PDXDC1: variants seen among roughly 807,000 people sequenced by gnomAD.
The protein encoded by PDXDC1 is pyridoxal-dependent decarboxylase domain-containing protein 1.
In PDXDC1, 42 loss-of-function variants were observed where a neutral mutation model predicts 100.1. That is an observed-to-expected ratio of 0.42 (90% CI 0.33 to 0.54). The LOEUF is 0.54. Ranked by LOEUF, PDXDC1 falls within the 20% of genes least tolerant of loss-of-function variation. The pLI, the probability that PDXDC1 is intolerant of heterozygous loss-of-function variation, is 0.10. For missense variants in PDXDC1, 636 were observed against 979.2 expected (o/e 0.65, Z 4.68); for synonymous variants, 260 against 371.7 (o/e 0.70, Z 3.46).
chr16:15,130,804 G>A (rs1015494453), intron 16 of PDXDC1: 9 of 933,144 alleles, frequency 9.6e-6, no homozygotes, highest in East Asian at 4.9e-5. Flanking sequence ...GGGGCAGAAC[G>A]CGCAGGTCAC....
At position 15,037,217 on chromosome 16, in the gene PDXDC1, C is replaced by G. The variant is rs955284614; in HGVS notation, c.*942C>G. On this transcript the variant is annotated 3_prime_UTR_variant, in exon 23 of 23. Transcript: ENST00000396410. ...AGAGCACTCTCTCACGCTGATCCAG[C>G]CGGGCACCCTGCTTAAGTCAGTAGA... 6.6e-6 allele frequency: 1 copy of G among 152,266 alleles called. No homozygotes were observed. The highest frequency in any genetic ancestry group is 1.5e-5 in the Non-Finnish European group (1 of 68,056). The allele number at this position is 152,266 out of a possible 1,614,324, so 9.4% of individuals were successfully genotyped here.
chr16:15,127,557 G>C (rs1392084235), intron 16 of PDXDC1: 1 of 1,294,226 alleles, frequency 7.7e-7, no homozygotes, highest in African/African-American at 1.5e-5. Flanking sequence ...CAGCGACTGT[G>C]TCGACGCTCA....
rs11541647 is a variant in PDXDC1 at position 15,036,719 on chromosome 16, G to A, written c.*444G>A. 5 of 176,338 alleles carry A rather than the reference G, an allele frequency of 2.8e-5. No homozygotes were observed. The highest frequency in any genetic ancestry group is 6.1e-5 in the Non-Finnish European group (5 of 81,818). 10.9% of individuals were successfully genotyped at this position (176,338 alleles called of 1,614,324 possible). On this transcript the variant is annotated 3_prime_UTR_variant, in exon 23 of 23. Transcript: ENST00000396410. ...ATCCTTTGCTGTCGGTCTTTAGTACGATCAAGTTGCAATATACAGTGGGAC... is the reference window on the plus strand; with the variant it reads ...ATCCTTTGCTGTCGGTCTTTAGTACAATCAAGTTGCAATATACAGTGGGAC...
intron 16 of PDXDC1, chr16:15,071,161 T>C (rs759961349): frequency 4.3e-6 from 7 of 1,610,368 alleles, no homozygotes; most frequent in South Asian, 2.2e-5. Flanking sequence ...AAGCTTCCAA[T>C]ATAATTTCCA....
chr16:15,128,002 C>T, intron 16 of PDXDC1: 8 of 1,593,900 alleles, frequency 5.0e-6, no homozygotes, highest in South Asian at 3.3e-5. Flanking sequence ...TCGCGGCCAG[C>T]ACCTCCTTCT....
Position 15,110,579 on chromosome 16 carries a change from T to C in PDXDC1, c.1400-28300T>C. 2.5e-6 allele frequency: 4 copies of C among 1,585,474 alleles called. No homozygotes were observed. In the Admixed American group the frequency reaches 5.0e-5, roughly 20 times the overall value. ...AATTCCTGGAAAGGAAGAAACTCTT[T>C]TCTTTGTGTGCATACAAATGGACTT... On this transcript the variant is annotated intron_variant, in intron 16 of 16. Transcript: ENST00000535621.
At chr16:15,136,104 C>T (rs935680643) in intron 16 of PDXDC1, 20 of 1,576,384 alleles carry the variant, frequency 1.3e-5, no homozygotes, top group African/African-American at 9.4e-5. Flanking sequence ...GCTGCACAGT[C>T]GAGAAGCCGA....
chr16:15,095,861 G>GTGTGT (rs1555465769), intron 16 of PDXDC1, among the ~76,000 whole-genome samples: 2 of 134,400 alleles, frequency 1.5e-5, no homozygotes, highest in Non-Finnish European at 3.2e-5. Flanking sequence ...AAAAAAAAAA[G>GTGTGT]GTGTGTGTGT....
intron 1 of PDXDC1, among the ~76,000 whole-genome samples, chr16:14,991,919 C>T (rs1210078090): frequency 6.6e-6 from 1 of 152,300 alleles, no homozygotes; most frequent in Non-Finnish European, 1.5e-5. Flanking sequence ...TCCACTCTGG[C>T]ATGCCTTCCT....
intron 16 of PDXDC1, chr16:15,135,938 A>G (rs1461223193): frequency 1.3e-6 from 2 of 1,578,416 alleles, no homozygotes; most frequent in Non-Finnish European, 1.7e-6. Flanking sequence ...GCTCACGTCC[A>G]CGCCGGGCAG....
intron 16 of PDXDC1, among the ~76,000 whole-genome samples, chr16:15,076,987 T>C (rs1352667212): frequency 1.3e-5 from 2 of 151,332 alleles, no homozygotes; most frequent in African/African-American, 2.4e-5. Flanking sequence ...TCACTTTTTT[T>C]TTTTTTTTTG....
At chr16:15,040,930 A>G (rs1470053227), downstream of PDXDC1, 2 of 690,310 alleles carry the variant, frequency 2.9e-6, no homozygotes, top group Non-Finnish European at 5.3e-6. Flanking sequence ...AAGGCCTCAC[A>G]GCAGATGTTC....
At chr16:15,145,069 A>ACT in the PDXDC1 span, among the ~76,000 whole-genome samples, 2 of 152,028 alleles carry the variant, frequency 1.3e-5, no homozygotes, top group South Asian at 2.1e-4. Context: ...TGATGGGCAC[A>ACT]GAGGCTCAAG....
chr16:15,099,419 CAAAAAAAAAAAAAA>C (rs768689960), intron 16 of PDXDC1, among the ~76,000 whole-genome samples: 2 of 40,956 alleles, frequency 4.9e-5, no homozygotes, highest in South Asian at 1.1e-3. Context: ...GACTTGGTCT[CAAAAAAAAAAAAAA>C]AAAAAAAAAA....
chr16:15,000,419 C>T (rs993106736), intron 3 of PDXDC1, among the ~76,000 whole-genome samples: 9 of 152,304 alleles, frequency 5.9e-5, no homozygotes, highest in African/African-American at 2.2e-4. Flanking sequence ...AGGGCCCCTG[C>T]CTGCTCTGAT....
chr16:15,031,324 C>G (rs2043053311), intron 16 of PDXDC1, among the ~76,000 whole-genome samples: 2 of 152,106 alleles, frequency 1.3e-5, no homozygotes, highest in South Asian at 2.1e-4. Context: ...GTCACCATCT[C>G]CCTGTCCTTC....
rs568219168 is a variant in PDXDC1 at position 15,033,332 on chromosome 16, A to T, written c.1745A>T (p.Asn582Ile). Residue 582 changes from asparagine to isoleucine, a missense_variant, in exon 19 of 23, where the codon AAC becomes ATC. Around this residue, in one of 4 missense-constraint regions of PDXDC1, gnomAD observed 452 missense variants for 402.9 expected, o/e 1.12. Transcript: ENST00000396410. The stretch of plus-strand genomic sequence containing the variant: ...CTTTATGTCGGCATGGCGAGCGACA[A>T]CGTCGATGCTGCTGAGCTCGTGGAG... ...SCLYVGMASD[N>I]VDAAELVETI... The T allele has an allele frequency of 2.5e-6, 4 of 1,614,178 alleles. No homozygotes were observed. Among genetic ancestry groups the T allele is most frequent in the Admixed American group, 3.3e-5 (2 of 60,028 alleles).
intron 4 of PDXDC1, among the ~76,000 whole-genome samples, chr16:15,003,047 CCTT>C (rs1194623915): frequency 6.6e-6 from 1 of 152,214 alleles, no homozygotes; most frequent in Non-Finnish European, 1.5e-5. Context: ...TAAACTTTTT[CCTT>C]CTTTTTTACA....
chr16:15,054,562 G>A (rs1395389883), intron 16 of PDXDC1, among the ~76,000 whole-genome samples: 2 of 152,170 alleles, frequency 1.3e-5, no homozygotes, highest in African/African-American at 4.8e-5. Context: ...ACGCCACCAC[G>A]CCTAGCTCGG....
Sources: gnomAD v4.1 joint callset for allele counts (sites outside exome capture counted in the v4.1 genomes callset) on GRCh38, gnomAD v4.1.1 for gene constraint, gnomAD v4.1.1 regional missense constraint, MANE v1.5 for transcripts, NCBI Gene and HGNC (gene_info 2026-07-23, HGNC 2026-07-21) for gene names.